The following CABP2 variants were observed in gnomAD, a reference collection of about 807,000 sequenced individuals.
CABP2 encodes calcium-binding protein 2.
Under a neutral mutation model 28.6 loss-of-function variants are expected in CABP2, and 25 were observed. The ratio of observed to expected loss-of-function variants is 0.87; its 90% CI spans 0.64 to 1.22. The LOEUF (loss-of-function observed/expected upper bound fraction) is 1.22, where lower values mean the gene tolerates loss of function less well. Ranked by LOEUF, CABP2 falls within the 50% of genes most tolerant of loss-of-function variation. The pLI, the probability that CABP2 is intolerant of heterozygous loss-of-function variation, is 0.00. For synonymous variants in CABP2, 138 were observed against 126.0 expected, an observed-to-expected ratio of 1.09 and a Z score of -0.64; for missense variants, 310 against 312.2, an observed-to-expected ratio of 0.99 and a Z score of 0.05.
intron 3 of CABP2, 86 bp downstream of exon 3, chr11:67,521,866 C>CCCAGG: frequency 3.0e-6 from 2 of 656,268 alleles, no homozygotes; most frequent in Non-Finnish European, 2.7e-6. Context: ...GGCCCCCACC[C>CCCAGG]GATGCCCCCC....
rs566889528 is a variant in CABP2 at position 67,523,106 on chromosome 11, G to A, written c.42+179C>T. Among the ~76,000 whole-genome samples, 256 of 152,306 alleles carry A rather than the reference G, an allele frequency of 1.7e-3. 1 individual carries two copies. Among genetic ancestry groups the A allele is most frequent in the Non-Finnish European group, 3.2e-3 (217 of 68,012 alleles). ...GGAGCCTGGCAGGGGAGACCCAGAG[G>A]TCGGTGGGAGCCAAGATCAGGATGG... On this transcript the variant is annotated intron_variant, in intron 1 of 6. Transcript: ENST00000294288.
rs769148166 is a variant in CABP2, at chr11:67,520,036, C to G, written c.489+15G>C. ...GACACGCAGCCCTGCCCGCCCTCAGCCCCAGTGGCCGCACCTCCCGGAAGG... is the reference window on the plus strand; with the variant it reads ...GACACGCAGCCCTGCCCGCCCTCAGGCCCAGTGGCCGCACCTCCCGGAAGG... On this transcript the variant is annotated intron_variant, in intron 5 of 6. Coordinates refer to ENST00000294288, the MANE Select transcript of CABP2 (RefSeq NM_016366.3). 4 of 1,609,268 alleles carry G rather than the reference C, an allele frequency of 2.5e-6. No individual in the cohort carries two copies. In the African/African-American group the frequency reaches 5.3e-5, roughly 21 times the overall value.
rs1866719034 is a variant in CABP2, at chr11:67,519,918, C to T, written c.512G>A (p.Arg171His). 6.2e-7 allele frequency: 1 copy of T among 1,609,842 alleles called. No individual in the cohort carries two copies. The highest frequency in any genetic ancestry group is 2.2e-5 in the East Asian group (1 of 44,864). ...FREFDTNGDG[R>H]ISVGELRAAL... ...CGCCCGGAGCTCGCCCACGCTGATG[C>T]GGCCGTCCCCATTGGTGTCGAACTG... Residue 171 changes from arginine to histidine, a missense_variant, in exon 6 of 7, where the codon CGC becomes CAC. Arg to His is a conservative substitution (Grantham distance 29). Transcript: ENST00000294288.
rs137889404 is a variant in CABP2 at position 67,520,093 on chromosome 11, T to C, written c.447A>G (p.Ala149=). The change falls in exon 5 of 7, where the codon GCA becomes GCG. Residue 149 remains alanine (A), a synonymous_variant. Coordinates refer to ENST00000294288, the MANE Select transcript of CABP2 (RefSeq NM_016366.3). ...GTAGCTCCCGGACACCGATCATGTC[T>C]GCCGTCTCTGCCAGCAGCTTGGGGC... ...LMGPKLLAET[A]DMIGVRELRD... is the part of the protein sequence containing the mutation. 104 of 1,613,786 alleles carry C rather than the reference T, an allele frequency of 6.4e-5. No individual in the cohort carries two copies. Among genetic ancestry groups the C allele is most frequent in the Non-Finnish European group, 8.7e-5 (103 of 1,180,012 alleles).
chr11:67,522,012 C>G (rs769182345), intron 2 of CABP2, 30 bp from the exon 3 acceptor site: 1 of 1,604,418 alleles, frequency 6.2e-7, no homozygotes, highest in Non-Finnish European at 8.5e-7. Context: ...TAGGAATTCC[C>G]TGCTCCTACT....
intron 2 of CABP2, 34 bp downstream of exon 2, chr11:67,522,512 G>A (rs1238693509): frequency 6.4e-7 from 1 of 1,552,270 alleles, no homozygotes. Context: ...AGGGGCAAGG[G>A]CAGGCAGGCT....
Position 67,521,285 on chromosome 11 carries a change from G to A in CABP2, c.245-126C>T, listed in dbSNP as rs537179193. Reference sequence around the variant, plus strand: ...CATCAGATTCTCTTTGCTGCCTCGGGGCCTTTGCACGTGCTGTTCCTGTTA... The same window carrying A: ...CATCAGATTCTCTTTGCTGCCTCGGAGCCTTTGCACGTGCTGTTCCTGTTA... On this transcript the variant is annotated intron_variant, in intron 3 of 6. Transcript: ENST00000294288. 53 of 995,118 alleles carry A rather than the reference G, an allele frequency of 5.3e-5. No individual in the cohort carries two copies. The East Asian group carries it at 1.4e-3, about 26-fold the overall frequency. The allele number at this position is 995,118 out of a possible 1,614,324, so 61.6% of individuals were successfully genotyped here. A position where few individuals can be genotyped will look rare whatever the true frequency, so the allele number is the denominator to read the frequency against.
Position 67,518,950 on chromosome 11 carries a change from A to G in CABP2, c.*189T>C. The G allele has an allele frequency of 1.6e-6, 1 of 616,180 alleles. No individual in the cohort carries two copies. The highest frequency in any genetic ancestry group is 1.8e-5 in the African/African-American group (1 of 54,082). The allele number at this position is 616,180 out of a possible 1,614,324, so 38.2% of individuals were successfully genotyped here. A position where few individuals can be genotyped will look rare whatever the true frequency, so the allele number is the denominator to read the frequency against. ...GGAGATATTTTATTGTCAGAGAGAC[A>G]GAGACAAGGCCAGGCGGCTTTATTG... On this transcript the variant is annotated 3_prime_UTR_variant, in exon 7 of 7. Transcript: ENST00000294288.
intron 2 of CABP2, 66 bp downstream of exon 2, chr11:67,522,480 A>G (rs1866760803): frequency 1.3e-6 from 2 of 1,515,058 alleles, no homozygotes; most frequent in African/African-American, 2.8e-5. Context: ...GCGAGGGGCA[A>G]GGGCAGGTGA....
intron 3 of CABP2, 141 bp downstream of exon 3, chr11:67,521,811 G>C: frequency 1.3e-6 from 1 of 744,154 alleles, no homozygotes; most frequent in South Asian, 1.7e-5. Context: ...CCCTAAACTG[G>C]TCCCCTGCAG....
rs748521430 is a variant in CABP2, at chr11:67,519,933, G to C, written c.497C>G (p.Thr166Ser). The C allele has an allele frequency of 6.2e-7, 1 of 1,606,872 alleles. No homozygotes were observed. Among genetic ancestry groups the C allele is most frequent in the Non-Finnish European group, 8.5e-7 (1 of 1,178,234 alleles). Residue 166 changes from threonine to serine, a missense_variant, in exon 6 of 7, where the codon ACC (threonine) becomes AGC (serine). Transcript: ENST00000294288. ...CACGCTGATGCGGCCGTCCCCATTG[G>C]TGTCGAACTGTGGCGGCGTTGGTTG... ...ELRDAFREFDTNGDGRISVGE... is the reference protein window; with the variant it reads ...ELRDAFREFDSNGDGRISVGE...
At chr11:67,519,340 G>C (rs1164377029) in intron 6 of CABP2, among the ~76,000 whole-genome samples, 176 bp from the exon 7 acceptor site, 1 of 152,174 alleles carries the variant, frequency 6.6e-6, no homozygotes, top group Non-Finnish European at 1.5e-5. Context: ...TTGTCTTATG[G>C]GGGAAAAACA....
At chr11:67,520,607 G>A (rs767127757) in intron 4 of CABP2, among the ~76,000 whole-genome samples, 1 of 152,144 alleles carries the variant, frequency 6.6e-6, no homozygotes, top group African/African-American at 2.4e-5. Context: ...GCAGTGAGCC[G>A]AGATAGCGCC....
At chr11:67,522,049 C>T (rs1334723724) in intron 2 of CABP2, 67 bp from the exon 3 acceptor site, 1 of 1,424,062 alleles carries the variant, frequency 7.0e-7, no homozygotes, top group African/African-American at 1.4e-5. Context: ...CTTCTTGCTT[C>T]CCGGGGCTCC....
chr11:67,521,441 C>T (rs1453145592), intron 3 of CABP2, among the ~76,000 whole-genome samples: 2 of 152,170 alleles, frequency 1.3e-5, no homozygotes, highest in African/African-American at 4.8e-5. Context: ...ATTCTGACCT[C>T]TTGGAGATTT....
intron 1 of CABP2, 139 bp from the exon 2 acceptor site, chr11:67,522,855 A>T: frequency 1.3e-6 from 1 of 741,960 alleles, no homozygotes; most frequent in Non-Finnish European, 2.1e-6. Flanking sequence ...GGGTAGAGAG[A>T]GGACCCTCAC....
rs1866767628 is a variant in CABP2, at chr11:67,522,729, C to CG, written c.43-14dup. 6.8e-7 allele frequency: 1 copy of CG among 1,467,796 alleles called. No individual in the cohort carries two copies. The highest frequency in any genetic ancestry group is 9.0e-7 in the Non-Finnish European group (1 of 1,107,022). The allele number at this position is 1,467,796 out of a possible 1,614,324, so 90.9% of individuals were successfully genotyped here. A position where few individuals can be genotyped will look rare whatever the true frequency, so the allele number is the denominator to read the frequency against. On this transcript the variant is annotated splice_polypyrimidine_tract_variant and intron_variant, in intron 1 of 6. Transcript: ENST00000294288. ...ACTGCAAGGGGTCCTGCAGCAGAGC[C>CG]GGCCGTGAGCTGGGGCAGTGGCCGC...
In CABP2 at chr11:67,522,000, G is replaced by T. The variant is rs1475736056; in HGVS notation, c.214-18C>A. ...TCCCGGTCCTGAAGGGCACAGAGGG[G>T]TTAGGAATTCCCTGCTCCTACTGAT... On this transcript the variant is annotated intron_variant, in intron 2 of 6. Coordinates refer to ENST00000294288, the MANE Select transcript of CABP2 (RefSeq NM_016366.3). 3.7e-6 allele frequency: 6 copies of T among 1,610,604 alleles called. No individual in the cohort carries two copies. Among genetic ancestry groups the T allele is most frequent in the East Asian group, 2.2e-5 (1 of 44,814 alleles).
At position 67,521,955 on chromosome 11, in the gene CABP2, C is replaced by T. The variant is rs777036556; in HGVS notation, c.241G>A (p.Glu81Lys). The stretch of plus-strand genomic sequence containing the variant: ...AGTTCCTTCTCCAACCCTTTACCTT[C>T]AATCTCCTCGGGCCGCAGCTCCCGG... The part of the protein sequence containing the change: ...LDRELRPEEI[E>K]ELQVAFQEFD... Residue 81 changes from glutamate (E) to lysine (K), a missense_variant, in exon 3 of 7, where the codon GAA becomes AAA. By Grantham distance (56) the Glu-to-Lys change is moderately conservative. Transcript: ENST00000294288. 3 of 1,537,600 alleles carry T rather than the reference C, an allele frequency of 2.0e-6. No homozygotes were observed. The highest frequency in any genetic ancestry group is 2.7e-6 in the Non-Finnish European group (3 of 1,131,902).
Sources: gnomAD v4.1 joint callset for allele counts (sites outside exome capture counted in the v4.1 genomes callset) on GRCh38, gnomAD v4.1.1 for gene constraint, MANE v1.5 for transcripts, NCBI Gene and HGNC (gene_info 2026-07-23, HGNC 2026-07-21) for gene names.